The following TUT4 variants were observed in gnomAD, a reference collection of about 807,000 sequenced individuals.
TUT4 encodes terminal uridylyl transferase 4.
TUT4 carries 36 observed loss-of-function variants against 192.2 expected under a neutral mutation model. That is an observed-to-expected ratio of 0.19 (90% CI 0.14 to 0.25). The LOEUF (loss-of-function observed/expected upper bound fraction) is 0.25. Among genes scored for constraint, TUT4 ranks in the 10% least tolerant of loss-of-function variants. The pLI, the probability that TUT4 is intolerant of heterozygous loss-of-function variation, is 1.00. For synonymous variants in TUT4, 618 were observed against 666.0 expected, an observed-to-expected ratio of 0.93 and a Z score of 1.11; for missense variants, 1,493 against 1,957.2, an observed-to-expected ratio of 0.76 and a Z score of 4.47.
chr1:52,445,493 C>A (rs1025443995), intron 24 of TUT4, among the ~76,000 whole-genome samples: 9 of 152,104 alleles, frequency 5.9e-5, no homozygotes, highest in Non-Finnish European at 1.3e-4. Flanking sequence ...TTTGGTACAT[C>A]CAATGCGCCA....
chr1:52,549,023 G>A lies in TUT4; in HGVS notation c.-94+3908C>T, dbSNP rs894902112. On this transcript the variant is annotated intron_variant, in intron 1 of 29. Coordinates refer to ENST00000257177, the MANE Select transcript of TUT4 (RefSeq NM_001009881.3). ...AAAAGACTTTTCCAAAAAATTAAAA[G>A]TTCTTGGACAGTAAGATTTGGATCA... 2.6e-5 allele frequency among the ~76,000 whole-genome samples: 4 copies of A among 152,196 alleles called. No individual in the cohort carries two copies. In the South Asian group the frequency reaches 8.3e-4, roughly 31 times the overall value.
In TUT4 at chr1:52,431,468, CAAA is replaced by C. The variant is rs753559849; in HGVS notation, c.4264-11_4264-9del. 1 of 1,414,178 alleles carries C rather than the reference CAAA, an allele frequency of 7.1e-7. No individual in the cohort carries two copies. The highest frequency in any genetic ancestry group is 1.6e-5 in the South Asian group (1 of 62,416). 87.6% of individuals were successfully genotyped at this position (1,414,178 alleles called of 1,614,324 possible). Reference sequence around the variant, plus strand: ...ATAAGATGGTGATTCAGACTGCAGACAAAAAAAAAATTTTTTTTAATTAATTTA... The same window carrying C: ...ATAAGATGGTGATTCAGACTGCAGACAAAAAAATTTTTTTTAATTAATTTA... On this transcript the variant is annotated splice_polypyrimidine_tract_variant and intron_variant, in intron 27 of 29. Coordinates refer to ENST00000257177, the MANE Select transcript of TUT4 (RefSeq NM_001009881.3).
At position 52,525,443 on chromosome 1, in the gene TUT4, T is replaced by C. The variant is rs988586886; in HGVS notation, c.718+120A>G. The C allele has an allele frequency of 2.3e-6, 3 of 1,299,826 alleles. No individual in the cohort carries two copies. The African/African-American group carries it at 4.5e-5, about 19-fold the overall frequency. The allele number at this position is 1,299,826 out of a possible 1,614,324, so 80.5% of individuals were successfully genotyped here. ...AGTATTATTAATGTGGATGTTTTCATACGGGAACAAAAGTGCTAAACAATT... is the reference window on the plus strand; with the variant it reads ...AGTATTATTAATGTGGATGTTTTCACACGGGAACAAAAGTGCTAAACAATT... On this transcript the variant is annotated intron_variant, in intron 2 of 29. Coordinates refer to ENST00000257177, the MANE Select transcript of TUT4 (RefSeq NM_001009881.3).
chr1:52,516,974 CAG>C (rs1357323605), intron 2 of TUT4, among the ~76,000 whole-genome samples: 3 of 152,172 alleles, frequency 2.0e-5, no homozygotes, highest in African/African-American at 7.2e-5. Flanking sequence ...ACTCCAACCT[CAG>C]ATCTTGCCAC....
chr1:52,494,114 T>C (rs72903668), intron 6 of TUT4, among the ~76,000 whole-genome samples: 10,184 of 152,146 alleles, frequency 0.067, 1,131 homozygotes, highest in African/African-American at 0.23. Flanking sequence ...TGTTTTACTT[T>C]TATGTCAACA....
intron 4 of TUT4, among the ~76,000 whole-genome samples, chr1:52,506,834 C>T (rs1675723447): frequency 6.6e-6 from 1 of 152,072 alleles, no homozygotes; most frequent in Admixed American, 6.6e-5. Context: ...TCTTTGCATA[C>T]CTGATAATCT....
chr1:52,443,416 G>A (rs746016603), intron 24 of TUT4, among the ~76,000 whole-genome samples: 28 of 150,600 alleles, frequency 1.9e-4, no homozygotes, highest in Admixed American at 7.3e-4. Context: ...GTGAAACCCC[G>A]TCTCTACTAA....
At chr1:52,446,482 A>T in intron 21 of TUT4, 40 bp from the exon 22 acceptor site, 2 of 1,564,498 alleles carry the variant, frequency 1.3e-6, no homozygotes, top group Non-Finnish European at 1.7e-6. Context: ...ATGTCTATAC[A>T]GTACTATCCA....
chr1:52,495,323 C>CA (rs1672180138), intron 6 of TUT4, 104 bp downstream of exon 6: 2 of 652,498 alleles, frequency 3.1e-6, no homozygotes, highest in Non-Finnish European at 4.9e-6. Flanking sequence ...TAACACTATA[C>CA]AAACCAGAGT....
intron 9 of TUT4, among the ~76,000 whole-genome samples, chr1:52,482,301 C>T (rs1046510092): frequency 2.3e-4 from 35 of 152,130 alleles, no homozygotes; most frequent in African/African-American, 7.9e-4. Flanking sequence ...TTTCTATTTC[C>T]TATATAGGTA....
At chr1:52,430,710 G>A (rs1651792911) in intron 28 of TUT4, among the ~76,000 whole-genome samples, 1 of 152,146 alleles carries the variant, frequency 6.6e-6, no homozygotes, top group Admixed American at 6.5e-5. Flanking sequence ...TAAAATAATA[G>A]CTAACATTTA....
intron 27 of TUT4, chr1:52,434,729 A>T (rs1381698085): frequency 6.6e-6 from 1 of 152,070 alleles, no homozygotes; most frequent in Non-Finnish European, 1.5e-5. Flanking sequence ...TCAGCTACTC[A>T]GGAGATGGAG....
chr1:52,442,959 A>T (rs1656122331), intron 24 of TUT4, among the ~76,000 whole-genome samples: 1 of 152,230 alleles, frequency 6.6e-6, no homozygotes, highest in East Asian at 1.9e-4. Flanking sequence ...GCCCATTTCC[A>T]GTTTACCGAG....
intron 19 of TUT4, 65 bp downstream of exon 19, chr1:52,461,069 G>T: frequency 1.5e-6 from 2 of 1,359,490 alleles, no homozygotes; most frequent in South Asian, 1.5e-5. Context: ...TCACAAATCT[G>T]ACATTAGTTA....
At chr1:52,431,647 T>A (rs1349036063) in intron 27 of TUT4, 187 bp from the exon 28 acceptor site, 1 of 426,368 alleles carries the variant, frequency 2.3e-6, no homozygotes, top group Non-Finnish European at 3.9e-6. Context: ...ACAAATCGTT[T>A]TATTGTCCAA....
At chr1:52,441,065 G>A (rs1326457156) in intron 24 of TUT4, among the ~76,000 whole-genome samples, 1 of 151,988 alleles carries the variant, frequency 6.6e-6, no homozygotes, top group Non-Finnish European at 1.5e-5. Context: ...AGATGAAGAG[G>A]TTGAAGACTC....
intron 24 of TUT4, among the ~76,000 whole-genome samples, chr1:52,439,471 T>TTGC (rs1570261664): frequency 1.3e-5 from 2 of 152,226 alleles, no homozygotes; most frequent in East Asian, 3.8e-4. Context: ...TAGCTTAGTT[T>TTGC]TGCACTGTCA....
Position 52,475,126 on chromosome 1 carries a change from T to C in TUT4, c.2433A>G (p.Lys811=). The C allele has an allele frequency of 6.2e-7, 1 of 1,614,194 alleles. No individual in the cohort carries two copies. Among genetic ancestry groups the C allele is most frequent in the Non-Finnish European group, 8.5e-7 (1 of 1,180,038 alleles). The stretch of plus-strand genomic sequence containing the variant: ...CTAAATCATCTTGTTTCTTATCTAA[T>C]TTTGGCTCTATTTCACTGCTTTTGC... ...STSKSSEIEP[K]LDKKQDDLAP... The change falls in exon 13 of 30, where the codon AAA becomes AAG. Residue 811 remains lysine (K), a synonymous_variant. Coordinates refer to ENST00000257177, the MANE Select transcript of TUT4 (RefSeq NM_001009881.3).
At chr1:52,480,726 G>A (rs951148106) in intron 11 of TUT4, among the ~76,000 whole-genome samples, 1 of 152,188 alleles carries the variant, frequency 6.6e-6, no homozygotes, top group African/African-American at 2.4e-5. Flanking sequence ...TGAAGAAAAT[G>A]ACTTTAGATA....
Sources: allele counts gnomAD v4.1 joint callset (sites outside exome capture counted in the v4.1 genomes callset), GRCh38; gene constraint gnomAD v4.1.1; transcripts MANE v1.5; gene names NCBI Gene and HGNC (gene_info 2026-07-23, HGNC 2026-07-21).